The following PEX1 variants were observed in gnomAD, a reference collection of about 807,000 sequenced individuals.
PEX1 encodes the protein peroxisomal ATPase PEX1.
In PEX1, 97 loss-of-function variants were observed where a neutral mutation model predicts 152.5. The ratio of observed to expected loss-of-function variants is 0.64; its 90% CI spans 0.54 to 0.75. The LOEUF (loss-of-function observed/expected upper bound fraction) is 0.75. Ranked by LOEUF, PEX1 falls within the 30% of genes least tolerant of loss-of-function variation. The probability of loss-of-function intolerance (pLI) is 0.00; values close to 1 mark genes in which losing one functional copy is unlikely to be tolerated. For synonymous variants in PEX1, 485 were observed against 531.6 expected (o/e 0.91, Z 1.21); for missense variants, 1,357 against 1,516.3 (o/e 0.89, Z 1.74).
intron 11 of PEX1, 132 bp downstream of exon 11, chr7:92,506,116 A>C: frequency 1.7e-6 from 1 of 589,376 alleles, no homozygotes; most frequent in Non-Finnish European, 3.0e-6. Flanking sequence ...AAGAAATTTT[A>C]ATGACTAAAT....
In PEX1 at chr7:92,517,602, C is replaced by A. The variant is rs1214873979; in HGVS notation, c.913G>T (p.Val305Phe). ...TGAATGGCACAGTGTTTATGAAAAA[C>A]AGAGGTTGCTGACGCGTTATATATA... ...PSIYNASATS[V>F]FHKHCAIHVF... The change falls in exon 5 of 24, where the codon GTT becomes TTT. Residue 305 changes from valine (V) to phenylalanine (F), a missense_variant. By Grantham distance (50) the Val-to-Phe change is conservative. Transcript: ENST00000248633. 6.2e-7 allele frequency: 1 copy of A among 1,614,006 alleles called. No homozygotes were observed. The highest frequency in any genetic ancestry group is 1.3e-5 in the African/African-American group (1 of 75,018).
intron 23 of PEX1, 115 bp downstream of exon 23, chr7:92,489,175 AATT>A: frequency 1.1e-6 from 1 of 948,874 alleles, no homozygotes; most frequent in Non-Finnish European, 1.6e-6. Context: ...ATATTTTTTG[AATT>A]AGCTTTTAAA....
At position 92,511,645 on chromosome 7, in the gene PEX1, G is replaced by A. The variant is rs1285757719; in HGVS notation, c.1418C>T (p.Ser473Phe). ...KTVFYSWLQQ[S>F]TTTMLPLVIS... ...TACCAAAGGAAGCATGGTGGTAGTA[G>A]ACTGCTGTAGCCATGAATAAAATAC... is the stretch of plus-strand genomic sequence containing the variant. Residue 473 changes from serine to phenylalanine, a missense_variant, in exon 7 of 24, where the codon TCT becomes TTT. Coordinates refer to ENST00000248633, the MANE Select transcript of PEX1 (RefSeq NM_000466.3). 1 of 1,611,282 alleles carries A rather than the reference G, an allele frequency of 6.2e-7. No individual in the cohort carries two copies. Among genetic ancestry groups the A allele is most frequent in the Non-Finnish European group, 8.5e-7 (1 of 1,177,786 alleles).
At chr7:92,523,392 GGT>G (rs1793134956) in intron 1 of PEX1, among the ~76,000 whole-genome samples, 1 of 151,630 alleles carries the variant, frequency 6.6e-6, no homozygotes, top group South Asian at 2.1e-4. Flanking sequence ...CACAATCATA[GGT>G]CACTGTAACT....
chr7:92,517,617 C>A lies in PEX1; in HGVS notation c.898G>T (p.Ala300Ser), dbSNP rs751506204. 14 of 1,613,798 alleles carry A rather than the reference C, an allele frequency of 8.7e-6. No individual in the cohort carries two copies. In the East Asian group the frequency reaches 1.1e-4, roughly 13 times the overall value. Residue 300 changes from alanine to serine, a missense_variant, in exon 5 of 24, where the codon GCG (alanine) becomes TCG (serine). Coordinates refer to ENST00000248633, the MANE Select transcript of PEX1 (RefSeq NM_000466.3). ...CKSQPPSIYN[A>S]SATSVFHKHC... ...TTATGAAAAACAGAGGTTGCTGACG[C>A]GTTATATATACTAGGAGGTTGAGAT... is the stretch of plus-strand genomic sequence containing the variant.
chr7:92,527,462 G>A (rs1475706983), intron 1 of PEX1, among the ~76,000 whole-genome samples: 1 of 152,134 alleles, frequency 6.6e-6, no homozygotes, highest in Non-Finnish European at 1.5e-5. Context: ...TGTTTTCAGT[G>A]GACCAAAAAT....
chr7:92,503,222 G>A, intron 12 of PEX1, 27 bp from the exon 13 acceptor site: 1 of 1,601,236 alleles, frequency 6.2e-7, no homozygotes, highest in Non-Finnish European at 8.6e-7. Flanking sequence ...TAGTGCAAAA[G>A]CTTAGGAAAA....
intron 11 of PEX1, 85 bp from the exon 12 acceptor site, chr7:92,504,987 C>T (rs2116167025): frequency 1.0e-6 from 1 of 963,300 alleles, no homozygotes; most frequent in East Asian, 2.4e-5. Flanking sequence ...ACTAGAAAAG[C>T]TCGATATTGA....
rs750015247 is a variant in PEX1 at position 92,507,051 on chromosome 7, C to T, written c.1746G>A (p.Gln582=). 4.3e-6 allele frequency: 7 copies of T among 1,613,980 alleles called. No homozygotes were observed. Among genetic ancestry groups the T allele is most frequent in the African/African-American group, 1.3e-5 (1 of 74,922 alleles). ...HSLLGRPLSR[Q]LMSLVAGLRN... is the part of the protein sequence containing the mutation. ...TAAGTCCTGCAACAAGAGACATCAG[C>T]TGCCGAGACAAAGGGCGTCCCAGGA... is the stretch of plus-strand genomic sequence containing the variant. Residue 582 remains glutamine (Q), a synonymous_variant, in exon 10 of 24, where the codon CAG becomes CAA. Transcript: ENST00000248633.
chr7:92,522,013 C>T, intron 2 of PEX1, 89 bp downstream of exon 2: 1 of 1,391,422 alleles, frequency 7.2e-7, no homozygotes, highest in Non-Finnish European at 1.0e-6. Context: ...ATCTCACCTC[C>T]TTTAACAAAA....
chr7:92,509,446 A>G (rs768875463), intron 8 of PEX1, 35 bp from the exon 9 acceptor site: 1 of 1,454,030 alleles, frequency 6.9e-7, no homozygotes, highest in Non-Finnish European at 9.7e-7. Context: ...TTTACATTTC[A>G]AAGTATGTCT....
rs753342234 is a variant in PEX1 at position 92,517,502 on chromosome 7, A to T, written c.1013T>A (p.Leu338Gln). The T allele has an allele frequency of 6.2e-7, 1 of 1,614,048 alleles. No individual in the cohort carries two copies. Among genetic ancestry groups the T allele is most frequent in the South Asian group, 1.1e-5 (1 of 91,082 alleles). ...FTVTYGKLVK[L>Q]LSPKQQQSKT... ...ACTTTGCTGTTGCTTTGGAGAAAGT[A>T]GCTTAACTAGCTTTCCATATGTCAC... Residue 338 changes from leucine to glutamine, a missense_variant, in exon 5 of 24, where the codon CTA (leucine) becomes CAA (glutamine). Transcript: ENST00000248633.
chr7:92,518,022 A>AG lies in PEX1; in HGVS notation c.492dup (p.Ser165LeufsTer8). 1 of 1,614,104 alleles carries AG rather than the reference A, an allele frequency of 6.2e-7. No homozygotes were observed. On this transcript the variant is annotated frameshift_variant, in exon 5 of 24. Transcript: ENST00000248633. LOFTEE classifies it high-confidence loss of function. Reference sequence around the variant, plus strand: ...GTGTCAGTTTCCAGCCTTCCATAAGAGGCAGCTGGTATTAGTGCAACTGTG... The same window carrying AG: ...GTGTCAGTTTCCAGCCTTCCATAAGAGGGCAGCTGGTATTAGTGCAACTGTG...
In PEX1 at chr7:92,518,055, TA is replaced by T. The variant is rs1236657615; in HGVS notation, c.473-14del. The T allele has an allele frequency of 4.3e-6, 7 of 1,613,946 alleles. No homozygotes were observed. Among genetic ancestry groups the T allele is most frequent in the Non-Finnish European group, 5.9e-6 (7 of 1,179,942 alleles). ...GGTATTAGTGCAACTGTGTAGAAAA[TA>T]AAGCTCATTAGTGCACATTCATTTC... On this transcript the variant is annotated splice_polypyrimidine_tract_variant and intron_variant, in intron 4 of 23. Coordinates refer to ENST00000248633, the MANE Select transcript of PEX1 (RefSeq NM_000466.3).
chr7:92,520,746 C>G lies in PEX1; in HGVS notation c.273+1356G>C, dbSNP rs182343063. ...CAACAGAGGATCATGAAGACGCACA[C>G]AGAGAGAGAGAGAAAGAGAGAGACA... On this transcript the variant is annotated intron_variant, in intron 2 of 23. Coordinates refer to ENST00000248633, the MANE Select transcript of PEX1 (RefSeq NM_000466.3). Among the ~76,000 whole-genome samples the G allele has an allele frequency of 3.9e-3, 596 of 151,862 alleles. 2 individuals carry two copies. Among genetic ancestry groups the G allele is most frequent in the African/African-American group, 0.014 (578 of 41,460 alleles).
At chr7:92,527,108 A>G (rs947182320) in intron 1 of PEX1, among the ~76,000 whole-genome samples, 6 of 152,250 alleles carry the variant, frequency 3.9e-5, no homozygotes, top group African/African-American at 1.2e-4. Context: ...CATTTCAAAA[A>G]GATATGCATG....
Position 92,502,102 on chromosome 7 carries a change from C to T in PEX1, c.2227-23G>A, listed in dbSNP as rs202179983. 871 of 1,492,882 alleles carry T rather than the reference C, an allele frequency of 5.8e-4. 5 individuals carry two copies. In the Admixed American group the frequency reaches 0.013, roughly 22 times the overall value. 92.5% of individuals were successfully genotyped at this position (1,492,882 alleles called of 1,614,324 possible). ...TTCCTAAAGAAAAAAACACAAAATT[C>T]GAATTTCCAATTGTATTCAACTGTA... On this transcript the variant is annotated intron_variant, in intron 13 of 23. Transcript: ENST00000248633.
At chr7:92,517,006 G>A (rs1792816942) in intron 5 of PEX1, among the ~76,000 whole-genome samples, 1 of 152,180 alleles carries the variant, frequency 6.6e-6, no homozygotes, top group South Asian at 2.1e-4. Context: ...TGTAACACTA[G>A]CTATGCAATC....
intron 1 of PEX1, among the ~76,000 whole-genome samples, chr7:92,523,848 T>C (rs1406148023): frequency 2.0e-5 from 3 of 151,872 alleles, no homozygotes; most frequent in East Asian, 1.9e-4. Flanking sequence ...AAAAGACTTA[T>C]TATATCAGGA....
Sources: allele counts gnomAD v4.1 joint callset (sites outside exome capture counted in the v4.1 genomes callset), GRCh38; gene constraint gnomAD v4.1.1; transcripts MANE v1.5; gene names NCBI Gene and HGNC (gene_info 2026-07-23, HGNC 2026-07-21).